TRIM5: variants seen among roughly 807,000 people sequenced by gnomAD.
TRIM5 encodes tripartite motif-containing protein 5.
Under a neutral mutation model 35.6 loss-of-function variants are expected in TRIM5, and 31 were observed. That is an observed-to-expected ratio of 0.87 (90% CI 0.65 to 1.18). The LOEUF (loss-of-function observed/expected upper bound fraction) is 1.18. Ranked by LOEUF, TRIM5 falls within the 50% of genes most tolerant of loss-of-function variation. The probability of loss-of-function intolerance (pLI) is 0.00; values close to 1 mark genes in which losing one functional copy is unlikely to be tolerated. For synonymous variants in TRIM5, 243 were observed against 215.6 expected, an observed-to-expected ratio of 1.13 and a Z score of -1.11; for missense variants, 609 against 591.6, an observed-to-expected ratio of 1.03 and a Z score of -0.31.
chr11:5,634,242 G>C, the TRIM5 span, among the ~76,000 whole-genome samples: 1 of 152,014 alleles, frequency 6.6e-6, no homozygotes, highest in African/African-American at 2.4e-5. Flanking sequence ...AGTGTGGTAA[G>C]GCAGGCAGTC....
At chr11:5,655,934 G>T in the TRIM5 span, among the ~76,000 whole-genome samples, 1 of 152,142 alleles carries the variant, frequency 6.6e-6, no homozygotes, top group East Asian at 1.9e-4. Context: ...ATGGTGTTGG[G>T]AAAACTGGCT....
the TRIM5 span, among the ~76,000 whole-genome samples, chr11:5,608,556 T>G: frequency 2.0e-5 from 3 of 152,068 alleles, no homozygotes; most frequent in Non-Finnish European, 2.9e-5. Flanking sequence ...ATAAAGGGGA[T>G]GAACTGGCCT....
chr11:5,589,951 C>G, the TRIM5 span: 2 of 154,548 alleles, frequency 1.3e-5, no homozygotes, highest in African/African-American at 2.4e-5. Context: ...TGGGCGTGGG[C>G]TTGGCGGGCC....
chr11:5,654,486 C>T, the TRIM5 span, among the ~76,000 whole-genome samples: 3 of 152,072 alleles, frequency 2.0e-5, no homozygotes, highest in East Asian at 3.9e-4. Context: ...TATGGTAAGG[C>T]TTTGCTGGGG....
chr11:5,621,080 C>T, the TRIM5 span, among the ~76,000 whole-genome samples: 21 of 152,306 alleles, frequency 1.4e-4, no homozygotes, highest in African/African-American at 4.6e-4. Flanking sequence ...ATTCCTATCT[C>T]CAGCACTCAT....
At chr11:5,610,623 C>G in the TRIM5 span, 5 of 1,586,604 alleles carry the variant, frequency 3.2e-6, no homozygotes, top group Non-Finnish European at 4.3e-6. Flanking sequence ...CATGCCCTCC[C>G]CAGACATAGC....
the TRIM5 span, among the ~76,000 whole-genome samples, chr11:5,654,084 C>CTA: frequency 5.1e-4 from 77 of 151,944 alleles, 1 homozygote; most frequent in African/African-American, 1.8e-3. Context: ...TTTTTATTGC[C>CTA]TACCTGTATT....
chr11:5,640,854 C>T, the TRIM5 span, among the ~76,000 whole-genome samples: 32 of 152,080 alleles, frequency 2.1e-4, 1 homozygote, highest in Non-Finnish European at 2.9e-5. Context: ...ATTTTCTATG[C>T]GTTCTTTAAT....
chr11:5,600,792 A>C, the TRIM5 span, among the ~76,000 whole-genome samples: 1 of 152,140 alleles, frequency 6.6e-6, no homozygotes, highest in Non-Finnish European at 1.5e-5. Context: ...GCCTGTTCAG[A>C]ACAGCGAGGT....
the TRIM5 span, chr11:5,604,781 CA>C: frequency 2.8e-6 from 2 of 723,122 alleles, no homozygotes; most frequent in South Asian, 2.6e-5. Flanking sequence ...TCCTTCCAAA[CA>C]GGGGGAGGAG....
intron 4 of TRIM5, among the ~76,000 whole-genome samples, chr11:5,675,723 TA>T (rs1446984451): frequency 6.6e-6 from 1 of 151,298 alleles, no homozygotes; most frequent in East Asian, 1.9e-4. Flanking sequence ...TATTATACTT[TA>T]AGTTTTAGAG....
intron 1 of TRIM5, among the ~76,000 whole-genome samples, chr11:5,683,628 C>A (rs958412917): frequency 6.6e-6 from 1 of 152,126 alleles, no homozygotes; most frequent in South Asian, 2.1e-4. Context: ...GTGAATGCAC[C>A]AATCGACACT....
At chr11:5,647,976 T>C in the TRIM5 span, among the ~76,000 whole-genome samples, 1 of 152,168 alleles carries the variant, frequency 6.6e-6, no homozygotes, top group African/African-American at 2.4e-5. Flanking sequence ...TAGAATGCGA[T>C]TTATTCTCGG....
the TRIM5 span, chr11:5,610,667 C>T: frequency 6.4e-7 from 1 of 1,565,714 alleles, no homozygotes; most frequent in Admixed American, 1.8e-5. Context: ...CCTCCCCCAT[C>T]CCCGCCATAT....
chr11:5,596,658 C>T, the TRIM5 span: 1 of 532,364 alleles, frequency 1.9e-6, no homozygotes, highest in Non-Finnish European at 3.2e-6. Flanking sequence ...GGAGATGAGC[C>T]TTCCGCAAAC....
chr11:5,609,784 G>A, the TRIM5 span, among the ~76,000 whole-genome samples: 8 of 152,248 alleles, frequency 5.3e-5, no homozygotes, highest in African/African-American at 1.4e-4. Context: ...TTAGCCAGGC[G>A]TGGTGGCACG....
chr11:5,603,113 T>C, the TRIM5 span: 9 of 1,428,448 alleles, frequency 6.3e-6, no homozygotes, highest in Non-Finnish European at 8.4e-6. Flanking sequence ...ATAAAGAACG[T>C]ATTGGATATG....
chr11:5,603,261 A>C, the TRIM5 span: 5 of 1,613,668 alleles, frequency 3.1e-6, no homozygotes, highest in Non-Finnish European at 4.2e-6. Flanking sequence ...TACAGGCAGG[A>C]AACATCTTAG....
the TRIM5 span, among the ~76,000 whole-genome samples, chr11:5,657,817 T>C: frequency 6.7e-6 from 1 of 150,032 alleles, no homozygotes; most frequent in East Asian, 1.9e-4. Context: ...AGTTTCACCA[T>C]GTTGGCCAGG....
Sources: gnomAD v4.1 joint callset for allele counts (sites outside exome capture counted in the v4.1 genomes callset) on GRCh38, gnomAD v4.1.1 for gene constraint, MANE v1.5 for transcripts, NCBI Gene and HGNC (gene_info 2026-07-23, HGNC 2026-07-21) for gene names.